Variants in SH3PXD2B observed in about 807,000 individuals in gnomAD.
SH3PXD2B encodes SH3 and PX domains 2B, also known as SH3 and PX domain-containing protein 2B.
SH3PXD2B carries 37 observed loss-of-function variants against 73.1 expected under a neutral mutation model. The ratio of observed to expected loss-of-function variants is 0.51; its 90% CI spans 0.39 to 0.67. SH3PXD2B has a LOEUF of 0.67. Among genes scored for constraint, SH3PXD2B ranks in the 30% least tolerant of loss-of-function variants. SH3PXD2B has a pLI of 0.00. For synonymous variants in SH3PXD2B, 457 were observed against 480.5 expected, an observed-to-expected ratio of 0.95 and a Z score of 0.64; for missense variants, 1,053 against 1,197.8, an observed-to-expected ratio of 0.88 and a Z score of 1.78.
intron 3 of SH3PXD2B, among the ~76,000 whole-genome samples, chr5:172,398,551 C>T (rs535305013): frequency 8.5e-5 from 13 of 152,278 alleles, no homozygotes; most frequent in South Asian, 8.3e-4. Flanking sequence ...TTTGAGCCGC[C>T]GTGTTACAGA....
chr5:172,384,993 C>T (rs1172123990), intron 4 of SH3PXD2B, among the ~76,000 whole-genome samples: 1 of 152,160 alleles, frequency 6.6e-6, no homozygotes, highest in East Asian at 1.9e-4. Context: ...GCAGCAAATC[C>T]TTAAGGACTG....
Position 172,439,204 on chromosome 5 carries a change from C to T in SH3PXD2B, c.75+15074G>A, listed in dbSNP as rs572368186. Among the ~76,000 whole-genome samples, 188 of 140,408 alleles carry T rather than the reference C, an allele frequency of 1.3e-3. 1 individual carries two copies. The highest frequency in any genetic ancestry group is 4.8e-3 in the African/African-American group (181 of 37,576). The allele number at this position is 140,408 out of a possible 152,430, so 92.1% of individuals were successfully genotyped here. ...GCAGTGAGGCAAGATCACGCCACTG[C>T]ACTCCAGCCTGGGCCACAGAAACAG... On this transcript the variant is annotated intron_variant, in intron 1 of 12. Coordinates refer to ENST00000311601, the MANE Select transcript of SH3PXD2B (RefSeq NM_001017995.3).
At chr5:172,376,084 C>T (rs901089205) in intron 5 of SH3PXD2B, among the ~76,000 whole-genome samples, 7 of 147,546 alleles carry the variant, frequency 4.7e-5, no homozygotes, top group African/African-American at 1.8e-4. Context: ...GGCTGGAGTG[C>T]AGTGGTGTGA....
chr5:172,425,509 G>A (rs1200285869), intron 1 of SH3PXD2B, among the ~76,000 whole-genome samples: 1 of 152,214 alleles, frequency 6.6e-6, no homozygotes, highest in East Asian at 1.9e-4. Flanking sequence ...GCTGAGGAAA[G>A]GGCGTACAGG....
chr5:172,406,126 A>C, intron 3 of SH3PXD2B, 151 bp downstream of exon 3: 1 of 935,872 alleles, frequency 1.1e-6, no homozygotes, highest in Non-Finnish European at 1.6e-6. Context: ...CCTCCGGCAT[A>C]AATGGGTTAA....
chr5:172,330,909 T>G (rs1370746458), downstream of SH3PXD2B, among the ~76,000 whole-genome samples: 1 of 152,128 alleles, frequency 6.6e-6, no homozygotes. Context: ...AAAAGTTAGA[T>G]CCTGGCTGGG....
chr5:172,438,502 G>A (rs1759445837), intron 1 of SH3PXD2B, among the ~76,000 whole-genome samples: 1 of 152,178 alleles, frequency 6.6e-6, no homozygotes, highest in Non-Finnish European at 1.5e-5. Context: ...AAACCAAGGT[G>A]ACCTCACTCA....
At chr5:172,414,165 G>T (rs377703877) in intron 2 of SH3PXD2B, among the ~76,000 whole-genome samples, 18 of 152,308 alleles carry the variant, frequency 1.2e-4, no homozygotes, top group African/African-American at 4.3e-4. Context: ...AAGGACCAGG[G>T]TCTTAGAAGG....
In SH3PXD2B at chr5:172,411,224, A is replaced by C. The variant is rs547122044; in HGVS notation, c.157-4872T>G. 2.0e-5 allele frequency among the ~76,000 whole-genome samples: 3 copies of C among 151,900 alleles called. No homozygotes were observed. The South Asian group carries it at 6.2e-4, about 32-fold the overall frequency. ...AAGGGAACTTTTTTTTTTTTAAAGA[A>C]TGCACCAGTAATCTGTCCACCCTAA... On this transcript the variant is annotated intron_variant, in intron 2 of 12. Coordinates refer to ENST00000311601, the MANE Select transcript of SH3PXD2B (RefSeq NM_001017995.3).
intron 5 of SH3PXD2B, among the ~76,000 whole-genome samples, chr5:172,380,108 G>A (rs6875693): frequency 0.025 from 3,756 of 152,250 alleles, 183 homozygotes; most frequent in African/African-American, 0.087. Flanking sequence ...CCAGGCTGGA[G>A]TGCAGTGGCG....
chr5:172,422,142 C>T (rs993789925), intron 2 of SH3PXD2B, among the ~76,000 whole-genome samples: 10 of 152,024 alleles, frequency 6.6e-5, no homozygotes, highest in African/African-American at 2.4e-4. Context: ...TTACAGGCAC[C>T]CGTCACCGCA....
Position 172,337,712 on chromosome 5 carries a change from G to A in SH3PXD2B, c.*657C>T, listed in dbSNP as rs1438426083. On this transcript the variant is annotated 3_prime_UTR_variant, in exon 13 of 13. Coordinates refer to ENST00000311601, the MANE Select transcript of SH3PXD2B (RefSeq NM_001017995.3). ...CCTTCAGGGCTGACCACGGTCCCAA[G>A]ATAGAAGGTGGGAGGCAGGGCGGCT... 6 of 992,746 alleles carry A rather than the reference G, an allele frequency of 6.0e-6. No homozygotes were observed. The highest frequency in any genetic ancestry group is 7.2e-6 in the Non-Finnish European group (6 of 834,334). The allele number at this position is 992,746 out of a possible 1,614,324, so 61.5% of individuals were successfully genotyped here.
chr5:172,420,429 C>T (rs934326080), intron 2 of SH3PXD2B, among the ~76,000 whole-genome samples: 2 of 152,046 alleles, frequency 1.3e-5, no homozygotes, highest in Non-Finnish European at 2.9e-5. Context: ...TTTCCCCTCC[C>T]CCTACAAAAT....
chr5:172,367,132 T>C (rs538937796), intron 6 of SH3PXD2B, among the ~76,000 whole-genome samples: 3 of 151,222 alleles, frequency 2.0e-5, no homozygotes, highest in African/African-American at 7.3e-5. Flanking sequence ...AGATGGGGTC[T>C]CACCCATGTT....
Position 172,334,120 on chromosome 5 carries a change from G to A in SH3PXD2B, c.*4249C>T. On this transcript the variant is annotated 3_prime_UTR_variant, in exon 13 of 13. Transcript: ENST00000311601. ...GATTGGAGCTAAGAAGGCTTACTTT[G>A]GAGTCGAGGATAGAAACGGGAAGAT... is the stretch of plus-strand genomic sequence containing the variant. The A allele has an allele frequency of 9.0e-7, 1 of 1,114,084 alleles. No individual in the cohort carries two copies. Among genetic ancestry groups the A allele is most frequent in the Non-Finnish European group, 1.1e-6 (1 of 908,830 alleles). 69.0% of individuals were successfully genotyped at this position (1,114,084 alleles called of 1,614,324 possible).
Position 172,358,855 on chromosome 5 carries a change from G to T in SH3PXD2B, c.585C>A (p.Ala195=). The part of the protein sequence containing the change: ...NESGWWFVST[A]EEQGWVPATC... ...TTGCAGGGACCCAGCCTTGCTCCTC[G>T]GCAGTGCTGACGAACCACCAACCTG... Residue 195 remains alanine (A), a synonymous_variant, in exon 8 of 13, where the codon GCC becomes GCA. Transcript: ENST00000311601. 1 of 1,613,990 alleles carries T rather than the reference G, an allele frequency of 6.2e-7. No homozygotes were observed. Among genetic ancestry groups the T allele is most frequent in the Non-Finnish European group, 8.5e-7 (1 of 1,179,966 alleles).
intron 1 of SH3PXD2B, among the ~76,000 whole-genome samples, chr5:172,424,705 A>G (rs2113469128): frequency 6.6e-6 from 1 of 152,292 alleles, no homozygotes; most frequent in South Asian, 2.1e-4. Flanking sequence ...CATGGCAGAA[A>G]TGGGGGAGCT....
intron 1 of SH3PXD2B, among the ~76,000 whole-genome samples, chr5:172,448,821 C>CACTCA (rs1561587713): frequency 6.6e-6 from 1 of 152,216 alleles, no homozygotes; most frequent in Admixed American, 6.5e-5. Flanking sequence ...CTCTAACACC[C>CACTCA]GAGTTCTTTC....
intron 3 of SH3PXD2B, among the ~76,000 whole-genome samples, chr5:172,396,919 T>C (rs995098018): frequency 2.0e-5 from 3 of 152,026 alleles, no homozygotes; most frequent in Admixed American, 6.6e-5. Context: ...CCAGCCTGGG[T>C]GACAAGAGCA....
Sources: allele counts gnomAD v4.1 joint callset (sites outside exome capture counted in the v4.1 genomes callset), GRCh38; gene constraint gnomAD v4.1.1; transcripts MANE v1.5; gene names NCBI Gene and HGNC (gene_info 2026-07-23, HGNC 2026-07-21).